The following CHD1L variants were observed in gnomAD, a reference collection of about 807,000 sequenced individuals.
The protein encoded by CHD1L is ATP-dependent chromatin remodeler CHD1L.
Under a neutral mutation model 115.9 loss-of-function variants are expected in CHD1L, and 118 were observed. The ratio of observed to expected loss-of-function variants is 1.02; its 90% CI spans 0.88 to 1.19. The LOEUF (loss-of-function observed/expected upper bound fraction) is 1.19, where lower values mean the gene tolerates loss of function less well. Ranked by LOEUF, CHD1L falls within the 50% of genes most tolerant of loss-of-function variation. CHD1L has a pLI of 0.00. For missense variants in CHD1L, 1,179 were observed against 1,065.3 expected (o/e 1.11, Z -1.49); for synonymous variants, 411 against 387.1 (o/e 1.06, Z -0.72).
At position 147,279,974 on chromosome 1, in the gene CHD1L, A is replaced by G. The variant is rs1475415788; in HGVS notation, c.1540-52A>G. ...CCACTTAGCCAATCACTGATATCCT[A>G]ATGTTTCTTTTCATGAGAATTTGCT... On this transcript the variant is annotated intron_variant, in intron 14 of 22. Coordinates refer to ENST00000369258, the MANE Select transcript of CHD1L (RefSeq NM_004284.6). The G allele has an allele frequency of 5.0e-6, 8 of 1,590,222 alleles. No individual in the cohort carries two copies. In the Admixed American group the frequency reaches 1.3e-4, roughly 27 times the overall value.
At chr1:147,255,305 A>G (rs1407456961) in intron 3 of CHD1L, among the ~76,000 whole-genome samples, 4 of 152,102 alleles carry the variant, frequency 2.6e-5, no homozygotes, top group Non-Finnish European at 5.9e-5. Context: ...TTGGCTCACC[A>G]CAACTTCTGC....
chr1:147,228,255 C>T, the CHD1L span, among the ~76,000 whole-genome samples: 32 of 151,072 alleles, frequency 2.1e-4, no homozygotes, highest in Non-Finnish European at 3.8e-4. Context: ...TGAGAACATG[C>T]GGTGTTTGGT....
chr1:147,239,441 T>C (rs139405060), upstream of CHD1L, among the ~76,000 whole-genome samples: 328 of 151,880 alleles, frequency 2.2e-3, 3 homozygotes, highest in African/African-American at 7.7e-3. Context: ...CTTCTTCATT[T>C]CTCCCAGATG....
chr1:147,274,152 C>T (rs1272577470), intron 12 of CHD1L, among the ~76,000 whole-genome samples: 1 of 152,176 alleles, frequency 6.6e-6, no homozygotes, highest in Non-Finnish European at 1.5e-5. Flanking sequence ...TCTAGGCTTG[C>T]AACTTCAGAG....
chr1:147,292,623 TACTG>T (rs1325478237), intron 20 of CHD1L, among the ~76,000 whole-genome samples: 2 of 152,238 alleles, frequency 1.3e-5, no homozygotes, highest in Admixed American at 6.5e-5. Context: ...GGAAGCCTGA[TACTG>T]ACATCTGCTC....
upstream of CHD1L, among the ~76,000 whole-genome samples, chr1:147,242,436 C>T (rs187966944): frequency 4.6e-5 from 7 of 152,338 alleles, no homozygotes; most frequent in East Asian, 1.3e-3. Flanking sequence ...TTCAGGCAAT[C>T]AGACGTCCTG....
At chr1:147,196,774 A>G in the CHD1L span, among the ~76,000 whole-genome samples, 1 of 152,164 alleles carries the variant, frequency 6.6e-6, no homozygotes, top group East Asian at 1.9e-4. Flanking sequence ...TCCCAATTCC[A>G]ATGAATGGCC....
At chr1:147,292,005 G>A (rs1181937017) in intron 20 of CHD1L, among the ~76,000 whole-genome samples, 1 of 152,098 alleles carries the variant, frequency 6.6e-6, no homozygotes, top group Non-Finnish European at 1.5e-5. Context: ...GGGGGACACA[G>A]TTCAGCCTAT....
At chr1:147,276,393 A>G in intron 14 of CHD1L, 136 bp downstream of exon 14, 2 of 837,020 alleles carry the variant, frequency 2.4e-6, no homozygotes, top group South Asian at 1.7e-5. Flanking sequence ...CACCTGCCAC[A>G]GTGCTGGCTG....
At chr1:147,262,489 G>T (rs1006422966) in intron 6 of CHD1L, among the ~76,000 whole-genome samples, 6 of 152,120 alleles carry the variant, frequency 3.9e-5, no homozygotes, top group Non-Finnish European at 7.4e-5. Flanking sequence ...GTGTCATAGG[G>T]TAAGTTACCT....
the CHD1L span, among the ~76,000 whole-genome samples, chr1:147,236,581 G>A: frequency 6.6e-6 from 1 of 152,138 alleles, no homozygotes; most frequent in South Asian, 2.1e-4. Flanking sequence ...GCAGAGAGGA[G>A]ACCCTGGAGT....
intron 12 of CHD1L, among the ~76,000 whole-genome samples, chr1:147,273,984 G>A (rs968173208): frequency 4.6e-5 from 7 of 152,126 alleles, no homozygotes; most frequent in African/African-American, 1.4e-4. Context: ...CTCACCCCTC[G>A]GTGAAGAGCT....
chr1:147,290,819 TTTTC>T (rs1685233486), intron 19 of CHD1L, among the ~76,000 whole-genome samples: 2 of 151,534 alleles, frequency 1.3e-5, no homozygotes, highest in African/African-American at 4.9e-5. Context: ...AAACCTAACT[TTTTC>T]TTATTTTTTG....
chr1:147,278,222 G>T lies in CHD1L; in HGVS notation c.1540-1804G>T, dbSNP rs373369003. 1.9e-4 allele frequency among the ~76,000 whole-genome samples: 17 copies of T among 91,164 alleles called. No homozygotes were observed. The South Asian group carries it at 5.0e-3, about 27-fold the overall frequency. 59.8% of individuals were successfully genotyped at this position (91,164 alleles called of 152,430 possible). A position where few individuals can be genotyped will look rare whatever the true frequency, so the allele number is the denominator to read the frequency against. On this transcript the variant is annotated intron_variant, in intron 14 of 22. Transcript: ENST00000369258. Reference sequence around the variant, plus strand: ...ATTTTTGTTTGTTTTTGTTTTTTGGGTTTTTTTTTTTTTTTTTTTTTGAGA... The same window carrying T: ...ATTTTTGTTTGTTTTTGTTTTTTGGTTTTTTTTTTTTTTTTTTTTTTGAGA...
intron 14 of CHD1L, among the ~76,000 whole-genome samples, chr1:147,279,784 G>C (rs1553960450): frequency 6.6e-6 from 1 of 151,738 alleles, no homozygotes; most frequent in East Asian, 1.9e-4. Flanking sequence ...TTTTTGTTTT[G>C]TTTTTATGCA....
At chr1:147,217,239 AC>A in the CHD1L span, among the ~76,000 whole-genome samples, 3 of 21,098 alleles carry the variant, frequency 1.4e-4, no homozygotes, top group African/African-American at 2.5e-4. Context: ...AACTCCGTCT[AC>A]AAAAAAAAGA....
In CHD1L at chr1:147,267,416, T is replaced by G. The variant is rs149171266; in HGVS notation, c.896-10T>G. ...CTCTTTCTGTCTCTCTCTTTTTTTT[T>G]AAATTTCAGATGCATTTGAAAATGA... On this transcript the variant is annotated splice_polypyrimidine_tract_variant and intron_variant, in intron 8 of 22. Transcript: ENST00000369258. The G allele has an allele frequency of 9.2e-4, 1,483 of 1,604,642 alleles. 9 individuals are homozygous for G. In the African/African-American group the frequency reaches 0.017, roughly 18 times the overall value.
the CHD1L span, among the ~76,000 whole-genome samples, chr1:147,185,883 C>T: frequency 6.6e-6 from 1 of 152,156 alleles, no homozygotes; most frequent in Admixed American, 6.5e-5. Flanking sequence ...TTCATTTGCT[C>T]TGTTTTTCAG....
At chr1:147,258,703 GCCT>G (rs1212294079) in intron 5 of CHD1L, among the ~76,000 whole-genome samples, 1 of 152,116 alleles carries the variant, frequency 6.6e-6, no homozygotes, top group African/African-American at 2.4e-5. Flanking sequence ...CAGGAAGAGG[GCCT>G]CCTCCTTGTA....
Sources: allele counts gnomAD v4.1 joint callset (sites outside exome capture counted in the v4.1 genomes callset), GRCh38; gene constraint gnomAD v4.1.1; transcripts MANE v1.5; gene names NCBI Gene and HGNC (gene_info 2026-07-23, HGNC 2026-07-21).